HNRNPH3: variants seen among roughly 807,000 people sequenced by gnomAD.
HNRNPH3 encodes the protein heterogeneous nuclear ribonucleoprotein H3.
In HNRNPH3, 7 loss-of-function variants were observed where a neutral mutation model predicts 47.0. That is an observed-to-expected ratio of 0.15 (90% CI 0.08 to 0.28). The LOEUF is 0.28. Ranked by LOEUF, HNRNPH3 falls within the 10% of genes least tolerant of loss-of-function variation. The pLI is 1.00. For synonymous variants in HNRNPH3, 120 were observed against 143.2 expected, an observed-to-expected ratio of 0.84 and a Z score of 1.16; for missense variants, 279 against 449.6, an observed-to-expected ratio of 0.62 and a Z score of 3.43.
At position 68,338,513 on chromosome 10, in the gene HNRNPH3, A is replaced by G; in HGVS notation, c.262A>G (p.Ile88Val). 1.2e-6 allele frequency: 2 copies of G among 1,606,154 alleles called. No homozygotes were observed. The highest frequency in any genetic ancestry group is 1.7e-6 in the Non-Finnish European group (2 of 1,173,616). ...AACATTTTTAAATAGGTATATTGAGATCTTCAGAAGTAGCAGGAGTGAAAT... is the reference window on the plus strand; with the variant it reads ...AACATTTTTAAATAGGTATATTGAGGTCTTCAGAAGTAGCAGGAGTGAAAT... ...KERIGHRYIE[I>V]FRSSRSEIKG... is the part of the protein sequence containing the mutation. Residue 88 changes from isoleucine to valine, a missense_variant, in exon 4 of 10, where the codon ATC becomes GTC. Physicochemically the swap from Ile to Val is conservative, Grantham distance 29. Around this residue, in one of 2 missense-constraint regions of HNRNPH3, gnomAD observed 40 missense variants for 113.8 expected, o/e 0.35. Coordinates refer to ENST00000265866, the MANE Select transcript of HNRNPH3 (RefSeq NM_012207.3).
At chr10:68,340,035 T>G (rs1463025577) in intron 6 of HNRNPH3, among the ~76,000 whole-genome samples, 1 of 151,588 alleles carries the variant, frequency 6.6e-6, no homozygotes, top group African/African-American at 2.4e-5. Context: ...TACCGTTTTT[T>G]GTTTTGTTTT....
rs1477045821 is a variant in HNRNPH3 at position 68,341,658 on chromosome 10, A to AGGCTACGGAAGAGATGGAATGGGT, written c.850_871+2dup. ...CTGGCATGGGAGGTTCTGGAATGGG[A>AGGCTACGGAAGAGATGGAATGGGT]GGCTACGGAAGAGATGGAATGGGTA... On this transcript the variant is annotated inframe_insertion, in exon 8 of 10. Transcript: ENST00000265866. 2 of 1,613,192 alleles carry AGGCTACGGAAGAGATGGAATGGGT rather than the reference A, an allele frequency of 1.2e-6. No homozygotes were observed. Among genetic ancestry groups the AGGCTACGGAAGAGATGGAATGGGT allele is most frequent in the South Asian group, 1.1e-5 (1 of 91,024 alleles).
chr10:68,338,763 A>G, intron 4 of HNRNPH3, 76 bp downstream of exon 4: 1 of 1,235,972 alleles, frequency 8.1e-7, no homozygotes, highest in Non-Finnish European at 1.1e-6. Context: ...AAATACAGAA[A>G]TGGCAGTAAT....
At chr10:68,339,360 T>C (rs1589711598) in intron 5 of HNRNPH3, 80 bp from the exon 6 acceptor site, 1 of 1,507,014 alleles carries the variant, frequency 6.6e-7, no homozygotes, top group Non-Finnish European at 9.2e-7. Flanking sequence ...TATAGAGCTT[T>C]ATACCTTGTA....
In HNRNPH3 at chr10:68,337,213, G is replaced by C; in HGVS notation, c.-9G>C. Reference sequence around the variant, plus strand: ...ATTTTTTATAGCATTTAAATCAAACGGTATTGAGATGGATTGGGTTATGAA... The same window carrying C: ...ATTTTTTATAGCATTTAAATCAAACCGTATTGAGATGGATTGGGTTATGAA... On this transcript the variant is annotated 5_prime_UTR_variant, in exon 2 of 10. Coordinates refer to ENST00000265866, the MANE Select transcript of HNRNPH3 (RefSeq NM_012207.3). This position sits in a 1 kb window ranked among gnomAD's most constrained non-coding sequence, Gnocchi z 4.5. 1 of 1,508,554 alleles carries C rather than the reference G, an allele frequency of 6.6e-7. No homozygotes were observed. The highest frequency in any genetic ancestry group is 9.2e-7 in the Non-Finnish European group (1 of 1,085,978). The allele number at this position is 1,508,554 out of a possible 1,614,324, so 93.4% of individuals were successfully genotyped here.
At chr10:68,339,086 T>C in intron 4 of HNRNPH3, 54 bp from the exon 5 acceptor site, 1 of 1,373,140 alleles carries the variant, frequency 7.3e-7, no homozygotes, top group Non-Finnish European at 1.0e-6. Context: ...AACTAAATTA[T>C]AAAATTTATC....
chr10:68,338,819 TC>T, intron 4 of HNRNPH3, 132 bp downstream of exon 4: 1 of 675,638 alleles, frequency 1.5e-6, no homozygotes, highest in Non-Finnish European at 2.3e-6. Context: ...AAATACGGAT[TC>T]CCATGGCTAG....
chr10:68,337,337 C>T lies in HNRNPH3; in HGVS notation c.112+4C>T, dbSNP rs780458079. The T allele has an allele frequency of 6.7e-6, 10 of 1,495,296 alleles. No individual in the cohort carries two copies. In the South Asian group the frequency reaches 9.1e-5, roughly 14 times the overall value. The allele number at this position is 1,495,296 out of a possible 1,614,324, so 92.6% of individuals were successfully genotyped here. A position where few individuals can be genotyped will look rare whatever the true frequency, so the allele number is the denominator to read the frequency against. On this transcript the variant is annotated splice_donor_region_variant and intron_variant, in intron 2 of 9. Transcript: ENST00000265866. The surrounding 1 kb of genome is among the most constrained non-coding windows in gnomAD (Gnocchi z 4.5). ...GAAATAGTTCAGTTCTTTCAAGGTA[C>T]CTCTAGTATTAGTCAAAGTTTAGTA...
Position 68,337,568 on chromosome 10 carries a change from G to A in HNRNPH3, c.112+235G>A, listed in dbSNP as rs1006384174. ...TTTGAGAATTGTGATGAAATGAACC[G>A]TGAATTAGTATATGGAGCATATATT... On this transcript the variant is annotated intron_variant, in intron 2 of 9. Coordinates refer to ENST00000265866, the MANE Select transcript of HNRNPH3 (RefSeq NM_012207.3). This position sits in a 1 kb window ranked among gnomAD's most constrained non-coding sequence, Gnocchi z 4.5. 4.2e-5 allele frequency: 23 copies of A among 547,938 alleles called. No homozygotes were observed. The highest frequency in any genetic ancestry group is 7.6e-5 in the African/African-American group (4 of 52,666). 33.9% of individuals were successfully genotyped at this position (547,938 alleles called of 1,614,324 possible).
chr10:68,341,555 C>A (rs1456144109), intron 7 of HNRNPH3, 30 bp from the exon 8 acceptor site: 9 of 1,415,500 alleles, frequency 6.4e-6, no homozygotes, highest in Non-Finnish European at 8.9e-6. Context: ...ATTCCTTTCT[C>A]CCCTGTTACT....
rs1296134061 is a variant in HNRNPH3, at chr10:68,337,792, C to T, written c.113-66C>T. 5.3e-6 allele frequency: 7 copies of T among 1,325,006 alleles called. No individual in the cohort carries two copies. The highest frequency in any genetic ancestry group is 7.3e-6 in the Non-Finnish European group (7 of 957,556). The allele number at this position is 1,325,006 out of a possible 1,614,324, so 82.1% of individuals were successfully genotyped here. On this transcript the variant is annotated intron_variant, in intron 2 of 9. Transcript: ENST00000265866. The surrounding 1 kb of genome is among the most constrained non-coding windows in gnomAD (Gnocchi z 4.5). Reference sequence around the variant, plus strand: ...TTAGACTTGTTTTAAATATTTGATTCAGATGGGAATGTTTCAGCCTTTAAC... The same window carrying T: ...TTAGACTTGTTTTAAATATTTGATTTAGATGGGAATGTTTCAGCCTTTAAC...
chr10:68,342,985 A>G lies in HNRNPH3; in HGVS notation c.*931A>G, dbSNP rs921104439. 1 of 152,206 alleles carries G rather than the reference A, an allele frequency of 6.6e-6. No homozygotes were observed. Among genetic ancestry groups the G allele is most frequent in the African/African-American group, 2.4e-5 (1 of 41,462 alleles). 9.4% of individuals were successfully genotyped at this position (152,206 alleles called of 1,614,324 possible). Reference sequence around the variant, plus strand: ...AAACAATCCTGCAGTTGGGTTTTGTATCTGATCCCTGCTTGGAGTTTTAGT... The same window carrying G: ...AAACAATCCTGCAGTTGGGTTTTGTGTCTGATCCCTGCTTGGAGTTTTAGT... On this transcript the variant is annotated 3_prime_UTR_variant, in exon 10 of 10. Transcript: ENST00000265866.
Position 68,339,232 on chromosome 10 carries a change from ATAAAT to A in HNRNPH3, c.523+7_523+11del. The A allele has an allele frequency of 3.2e-6, 5 of 1,585,066 alleles. No individual in the cohort carries two copies. The highest frequency in any genetic ancestry group is 4.3e-6 in the Non-Finnish European group (5 of 1,154,920). On this transcript the variant is annotated splice_region_variant and intron_variant, in intron 5 of 9. Transcript: ENST00000265866. ...CAGAATGAGAGATGGAAGAGGTAAA[ATAAAT>A]ATTAAAGACATTTTTATTCATAGGT...
rs1184710971 is a variant in HNRNPH3, at chr10:68,342,867, T to G, written c.*813T>G. The G allele has an allele frequency of 6.6e-6, 1 of 152,400 alleles. No individual in the cohort carries two copies. The highest frequency in any genetic ancestry group is 2.4e-5 in the African/African-American group (1 of 41,452). 9.4% of individuals were successfully genotyped at this position (152,400 alleles called of 1,614,324 possible). A position where few individuals can be genotyped will look rare whatever the true frequency, so the allele number is the denominator to read the frequency against. Reference sequence around the variant, plus strand: ...CTATGGAGTATAATTCTCACAATTGTATTTTCAGTTTTCTGCCCAATAGAG... The same window carrying G: ...CTATGGAGTATAATTCTCACAATTGGATTTTCAGTTTTCTGCCCAATAGAG... On this transcript the variant is annotated 3_prime_UTR_variant, in exon 10 of 10. Coordinates refer to ENST00000265866, the MANE Select transcript of HNRNPH3 (RefSeq NM_012207.3).
rs1411024463 is a variant in HNRNPH3 at position 68,337,055 on chromosome 10, C to CT, written c.-23-143dup. Reference sequence around the variant, plus strand: ...CGTACCCCAAAATATGAAAGGTGGTCTACAATTTTGTTGTGGCATTGTCAC... The same window carrying CT: ...CGTACCCCAAAATATGAAAGGTGGTCTTACAATTTTGTTGTGGCATTGTCAC... On this transcript the variant is annotated intron_variant, in intron 1 of 9. Coordinates refer to ENST00000265866, the MANE Select transcript of HNRNPH3 (RefSeq NM_012207.3). The surrounding 1 kb of genome is among the most constrained non-coding windows in gnomAD (Gnocchi z 4.5). 6.6e-5 allele frequency: 33 copies of CT among 500,058 alleles called. No individual in the cohort carries two copies. The highest frequency in any genetic ancestry group is 1.1e-4 in the Non-Finnish European group (31 of 280,628). 31.0% of individuals were successfully genotyped at this position (500,058 alleles called of 1,614,324 possible).
At position 68,337,929 on chromosome 10, in the gene HNRNPH3, G is replaced by A; in HGVS notation, c.184G>A (p.Val62Met). The A allele has an allele frequency of 6.2e-7, 1 of 1,613,616 alleles. No homozygotes were observed. Among genetic ancestry groups the A allele is most frequent in the Non-Finnish European group, 8.5e-7 (1 of 1,179,592 alleles). ...GGGGAGAAGCACAGGGGAGGCCTTC[G>A]TGCAGTTTGCTTCAAAGGAGATAGC... Reference protein sequence around the residue: ...YQGRSTGEAFVQFASKEIAEN... With the variant: ...YQGRSTGEAFMQFASKEIAEN... Residue 62 changes from valine to methionine, a missense_variant, in exon 3 of 10, where the codon GTG becomes ATG. By Grantham distance (21) the Val-to-Met change is conservative (BLOSUM62 1). Transcript: ENST00000265866. The surrounding 1 kb of genome is among the most constrained non-coding windows in gnomAD (Gnocchi z 4.5).
At chr10:68,341,554 TC>T in intron 7 of HNRNPH3, 30 bp from the exon 8 acceptor site, 2 of 1,409,282 alleles carry the variant, frequency 1.4e-6, no homozygotes. Context: ...CATTCCTTTC[TC>T]CCCTGTTACT....
At chr10:68,341,353 A>C (rs1389291975) in intron 7 of HNRNPH3, 44 bp downstream of exon 7, 1 of 1,566,582 alleles carries the variant, frequency 6.4e-7, no homozygotes, top group Non-Finnish European at 8.6e-7. Flanking sequence ...CTAAACGTGA[A>C]TTTATAAAAT....
At chr10:68,336,939 C>A in intron 1 of HNRNPH3, 1 of 302,922 alleles carries the variant, frequency 3.3e-6, no homozygotes. Context: ...TAGAATTATG[C>A]AAGTTTTCTT....
Sources: gnomAD v4.1 joint callset for allele counts (sites outside exome capture counted in the v4.1 genomes callset) on GRCh38, gnomAD v4.1.1 for gene constraint, gnomAD v4.1.1 regional missense constraint, Gnocchi (gnomAD v3.1) non-coding constraint, MANE v1.5 for transcripts, NCBI Gene and HGNC (gene_info 2026-07-23, HGNC 2026-07-21) for gene names.